Variants in POU6F1 observed in about 807,000 individuals in gnomAD.
POU6F1 encodes POU domain, class 6, transcription factor 1.
POU6F1 carries 9 observed loss-of-function variants against 28.9 expected under a neutral mutation model. The ratio of observed to expected loss-of-function variants is 0.31; its 90% CI spans 0.19 to 0.54. The LOEUF (loss-of-function observed/expected upper bound fraction) is 0.54. Among genes scored for constraint, POU6F1 ranks in the 20% least tolerant of loss-of-function variants. POU6F1 has a pLI of 0.94. For synonymous variants in POU6F1, 173 were observed against 171.1 expected (o/e 1.01, Z -0.09); for missense variants, 338 against 426.1 (o/e 0.79, Z 1.82).
intron 1 of POU6F1, among the ~76,000 whole-genome samples, chr12:51,212,834 A>G (rs1944090266): frequency 6.6e-6 from 1 of 151,916 alleles, no homozygotes; most frequent in African/African-American, 2.4e-5. Context: ...AGTCAAGGAA[A>G]TAAGAAGGTA....
At chr12:51,197,186 T>C (rs1330441387) in intron 6 of POU6F1, among the ~76,000 whole-genome samples, 1 of 140,642 alleles carries the variant, frequency 7.1e-6, no homozygotes. Context: ...ACCGGCTGGA[T>C]GGTTTCCAGG....
chr12:51,194,776 G>A (rs1057479997), intron 8 of POU6F1, among the ~76,000 whole-genome samples: 6 of 152,088 alleles, frequency 3.9e-5, no homozygotes, highest in African/African-American at 9.7e-5. Flanking sequence ...CTTTCTGTGC[G>A]CCAGTGTTCA....
chr12:51,207,984 G>C (rs1228563595), intron 1 of POU6F1, among the ~76,000 whole-genome samples: 3 of 151,944 alleles, frequency 2.0e-5, no homozygotes, highest in African/African-American at 7.3e-5. Context: ...AAGAAATAAA[G>C]AAAATAGGTT....
chr12:51,212,078 T>TTTG (rs1944029250), intron 1 of POU6F1, among the ~76,000 whole-genome samples: 1 of 147,902 alleles, frequency 6.8e-6, no homozygotes, highest in African/African-American at 2.6e-5. Context: ...TTTTTTGTTT[T>TTTG]TTTTGTTTTG....
rs1942096116 is a variant in POU6F1 at position 51,187,508 on chromosome 12, C to G, written c.*2739G>C. On this transcript the variant is annotated 3_prime_UTR_variant, in exon 11 of 11. Coordinates refer to ENST00000333640, the MANE Select transcript of POU6F1 (RefSeq NM_001330422.2). ...CAGCTGCTTCCTGGGGGGTCTTACA[C>G]TGTGGGAGGAAGGGCAGAGGTCACA... 1 of 152,214 alleles carries G rather than the reference C, an allele frequency of 6.6e-6. No individual in the cohort carries two copies. The highest frequency in any genetic ancestry group is 2.1e-4 in the South Asian group (1 of 4,836). 9.4% of individuals were successfully genotyped at this position (152,214 alleles called of 1,614,324 possible).
Position 51,190,477 on chromosome 12 carries a change from A to T in POU6F1, c.1606T>A (p.Phe536Ile). The change falls in exon 11 of 11, where the codon TTT becomes ATT. Residue 536 changes from phenylalanine to isoleucine, a missense_variant. Coordinates refer to ENST00000333640, the MANE Select transcript of POU6F1 (RefSeq NM_001330422.2). This position sits in a 1 kb window ranked among gnomAD's most constrained non-coding sequence, Gnocchi z 4.5. Reference sequence around the variant, plus strand: ...TTCTTGGAGGGCTCGCCTCCCACAAACTCCATCAGGTTCTGCTGGCCTTCC... The same window carrying T: ...TTCTTGGAGGGCTCGCCTCCCACAATCTCCATCAGGTTCTGCTGGCCTTCC... ...NQEGQQNLME[F>I]VGGEPSKKRK... 1.9e-6 allele frequency: 3 copies of T among 1,613,302 alleles called. No individual in the cohort carries two copies. Among genetic ancestry groups the T allele is most frequent in the Non-Finnish European group, 2.5e-6 (3 of 1,179,792 alleles).
chr12:51,215,346 G>C (rs565959618), intron 1 of POU6F1, among the ~76,000 whole-genome samples: 96 of 152,088 alleles, frequency 6.3e-4, no homozygotes, highest in Non-Finnish European at 1.9e-4. Context: ...CTTGAGGTCA[G>C]AAGTTCAAGA....
At position 51,187,448 on chromosome 12, in the gene POU6F1, A is replaced by G. The variant is rs1439765331; in HGVS notation, c.*2799T>C. On this transcript the variant is annotated 3_prime_UTR_variant, in exon 11 of 11. Transcript: ENST00000333640. ...AGAGCCTGATGCTAACAAAAAATAA[A>G]ATAAACCTACCTCCTAGGTGAGAGG... 6.6e-6 allele frequency: 1 copy of G among 152,220 alleles called. No individual in the cohort carries two copies. The highest frequency in any genetic ancestry group is 2.4e-5 in the African/African-American group (1 of 41,460). 9.4% of individuals were successfully genotyped at this position (152,220 alleles called of 1,614,324 possible).
intron 3 of POU6F1, 88 bp downstream of exon 3, chr12:51,204,085 C>T (rs1276284070): frequency 2.5e-6 from 1 of 398,588 alleles, no homozygotes; most frequent in African/African-American, 2.1e-5. Context: ...CACCTGAGCC[C>T]CAGGGATTCA....
intron 7 of POU6F1, 133 bp from the exon 8 acceptor site, chr12:51,196,306 A>G: frequency 1.4e-6 from 1 of 717,182 alleles, no homozygotes; most frequent in Non-Finnish European, 2.2e-6. Context: ...CAGCTTCTGC[A>G]TGAGTAAAAT....
At chr12:51,208,866 G>C (rs1317238524) in intron 1 of POU6F1, among the ~76,000 whole-genome samples, 1 of 152,124 alleles carries the variant, frequency 6.6e-6, no homozygotes, top group Non-Finnish European at 1.5e-5. Context: ...GAGCCCAGGA[G>C]GTTGAGGCTG....
rs1414245914 is a variant in POU6F1, at chr12:51,190,088, A to G, written c.*159T>C. ...CCCATGATGTGAGATGTGTGGGAGAAAAGAGGGACATTGATGCACATGCAC... is the reference window on the plus strand; with the variant it reads ...CCCATGATGTGAGATGTGTGGGAGAGAAGAGGGACATTGATGCACATGCAC... On this transcript the variant is annotated 3_prime_UTR_variant, in exon 11 of 11. Transcript: ENST00000333640. The surrounding 1 kb of genome is among the most constrained non-coding windows in gnomAD (Gnocchi z 4.5). 1.5e-6 allele frequency: 2 copies of G among 1,306,548 alleles called. No individual in the cohort carries two copies. Among genetic ancestry groups the G allele is most frequent in the South Asian group, 1.5e-5 (1 of 65,306 alleles). 80.9% of individuals were successfully genotyped at this position (1,306,548 alleles called of 1,614,324 possible).
chr12:51,217,993 TC>T lies in POU6F1; in HGVS notation c.-400del, dbSNP rs1301038858. 6.8e-6 allele frequency among the ~76,000 whole-genome samples: 1 copy of T among 146,108 alleles called. No individual in the cohort carries two copies. The highest frequency in any genetic ancestry group is 1.5e-5 in the Non-Finnish European group (1 of 65,818). ...CCTTCCACGACCCCCCCCTTTTCCC[TC>T]CCCCCCTTTTTTCCCTCCTTCTGCT... On this transcript the variant is annotated 5_prime_UTR_variant, in exon 1 of 11. Coordinates refer to ENST00000333640, the MANE Select transcript of POU6F1 (RefSeq NM_001330422.2). The surrounding 1 kb of genome is among the most constrained non-coding windows in gnomAD (Gnocchi z 5.3).
intron 8 of POU6F1, among the ~76,000 whole-genome samples, chr12:51,195,111 C>T (rs1317035982): frequency 6.6e-6 from 1 of 152,182 alleles, no homozygotes; most frequent in Non-Finnish European, 1.5e-5. Flanking sequence ...GTAGAACACT[C>T]TCACATCCAA....
chr12:51,196,389 G>C (rs1942829059), intron 7 of POU6F1, among the ~76,000 whole-genome samples: 1 of 152,208 alleles, frequency 6.6e-6, no homozygotes, highest in Non-Finnish European at 1.5e-5. Flanking sequence ...AATAGGTCTG[G>C]ATGTGGATTC....
Position 51,198,549 on chromosome 12 carries a change from C to A in POU6F1, c.592+1G>T. The A allele has an allele frequency of 2.5e-6, 1 of 399,356 alleles. No individual in the cohort carries two copies. The highest frequency in any genetic ancestry group is 4.4e-6 in the Non-Finnish European group (1 of 226,378). 24.7% of individuals were successfully genotyped at this position (399,356 alleles called of 1,614,324 possible). ...GCAGTCCTGGGAAGAGTTGCCGTTACCTTGGAGACCGGCTAAAGGTGGCTT... is the reference window on the plus strand; with the variant it reads ...GCAGTCCTGGGAAGAGTTGCCGTTAACTTGGAGACCGGCTAAAGGTGGCTT... On this transcript the variant is annotated splice_donor_variant, in intron 5 of 10. Transcript: ENST00000333640. LOFTEE classifies it high-confidence loss of function.
intron 1 of POU6F1, among the ~76,000 whole-genome samples, chr12:51,211,250 A>G (rs1282002210): frequency 1.3e-5 from 2 of 152,214 alleles, no homozygotes; most frequent in Non-Finnish European, 2.9e-5. Flanking sequence ...CAGCAGTAGA[A>G]TCCCAATACA....
At position 51,187,637 on chromosome 12, in the gene POU6F1, T is replaced by C. The variant is rs928880359; in HGVS notation, c.*2610A>G. 1 of 152,248 alleles carries C rather than the reference T, an allele frequency of 6.6e-6. No individual in the cohort carries two copies. Among genetic ancestry groups the C allele is most frequent in the African/African-American group, 2.4e-5 (1 of 41,462 alleles). 9.4% of individuals were successfully genotyped at this position (152,248 alleles called of 1,614,324 possible). A position where few individuals can be genotyped will look rare whatever the true frequency, so the allele number is the denominator to read the frequency against. ...CCACCCCTGGTATTGTTCCTCTGAA[T>C]GACCAATCCATCATTCCAGCAGAGG... is the stretch of plus-strand genomic sequence containing the variant. On this transcript the variant is annotated 3_prime_UTR_variant, in exon 11 of 11. Coordinates refer to ENST00000333640, the MANE Select transcript of POU6F1 (RefSeq NM_001330422.2).
At chr12:51,196,216 T>G in intron 7 of POU6F1, 43 bp from the exon 8 acceptor site, 2 of 1,420,550 alleles carry the variant, frequency 1.4e-6, no homozygotes, top group Non-Finnish European at 1.9e-6. Context: ...GAGGGTAGCA[T>G]CCAGCTCCAC....
Sources: gnomAD v4.1 joint callset for allele counts (sites outside exome capture counted in the v4.1 genomes callset) on GRCh38, gnomAD v4.1.1 for gene constraint, Gnocchi (gnomAD v3.1) non-coding constraint, MANE v1.5 for transcripts, NCBI Gene and HGNC (gene_info 2026-07-23, HGNC 2026-07-21) for gene names.